The following MBNL2 variants were observed in gnomAD, a reference collection of about 807,000 sequenced individuals.
The protein encoded by MBNL2 is muscleblind like splicing regulator 2.
In MBNL2, 17 loss-of-function variants were observed where a neutral mutation model predicts 41.9. The observed-to-expected ratio is 0.41, with a 90% CI of 0.28 to 0.61. The LOEUF (loss-of-function observed/expected upper bound fraction) is 0.61, where lower values mean the gene tolerates loss of function less well. Ranked by LOEUF, MBNL2 falls within the 20% of genes least tolerant of loss-of-function variation. The probability of loss-of-function intolerance (pLI) is 0.35; values close to 1 mark genes in which losing one functional copy is unlikely to be tolerated. For synonymous variants in MBNL2, 195 were observed against 182.9 expected (o/e 1.07, Z -0.53); for missense variants, 336 against 505.6 (o/e 0.66, Z 3.22).
intron 2 of MBNL2, among the ~76,000 whole-genome samples, chr13:97,321,757 C>A (rs1365581458): frequency 6.6e-6 from 1 of 152,154 alleles, no homozygotes; most frequent in Non-Finnish European, 1.5e-5. Context: ...GAAGTTCCAT[C>A]GTGAGTTTCT....
chr13:97,235,643 A>G (rs1459133672), intron 1 of MBNL2, among the ~76,000 whole-genome samples: 1 of 152,198 alleles, frequency 6.6e-6, no homozygotes, highest in East Asian at 1.9e-4. Flanking sequence ...GAAGAAAAAC[A>G]TGCCGGCGCA....
the MBNL2 span, among the ~76,000 whole-genome samples, chr13:97,184,002 G>A: frequency 2.6e-5 from 4 of 152,274 alleles, no homozygotes; most frequent in South Asian, 2.1e-4. Flanking sequence ...TTTTTAAATG[G>A]AGCTAGAGAC....
At chr13:97,277,441 G>T (rs1566384901) in intron 2 of MBNL2, among the ~76,000 whole-genome samples, 1 of 152,164 alleles carries the variant, frequency 6.6e-6, no homozygotes, top group South Asian at 2.1e-4. Flanking sequence ...CATATGACTT[G>T]AGAAATTATA....
chr13:97,208,535 G>A, the MBNL2 span, among the ~76,000 whole-genome samples: 7 of 152,248 alleles, frequency 4.6e-5, no homozygotes, highest in East Asian at 1.9e-4. Flanking sequence ...TCAATCTCCC[G>A]GGGTGTAGAA....
At chr13:97,354,105 A>G (rs2062766760) in intron 5 of MBNL2, among the ~76,000 whole-genome samples, 1 of 151,846 alleles carries the variant, frequency 6.6e-6, no homozygotes, top group South Asian at 2.1e-4. Flanking sequence ...ATGCACACCA[A>G]GCTGGAGAGG....
At chr13:97,210,839 C>T in the MBNL2 span, among the ~76,000 whole-genome samples, 2 of 151,984 alleles carry the variant, frequency 1.3e-5, no homozygotes, top group African/African-American at 2.4e-5. Context: ...ATGTTATTTG[C>T]TGTGAGACCA....
In MBNL2 at chr13:97,343,168, C is replaced by T. The variant is rs1356959294; in HGVS notation, c.492C>T (p.Val164=). ...VIVPGSPPVT[V]PGSTATQKLL... is the part of the protein sequence containing the mutation. ...TTCCCGGAAGTCCACCGGTCACTGT[C>T]CCGGGCTCAACTGCAACTCAGAAAC... Residue 164 remains valine, a synonymous_variant, in exon 4 of 9, where the codon GTC becomes GTT. Coordinates refer to ENST00000679496, the MANE Select transcript of MBNL2 (RefSeq NM_001382683.1). 6.2e-7 allele frequency: 1 copy of T among 1,613,600 alleles called. No individual in the cohort carries two copies. The highest frequency in any genetic ancestry group is 1.3e-5 in the African/African-American group (1 of 74,902).
the MBNL2 span, among the ~76,000 whole-genome samples, chr13:97,162,169 C>T: frequency 1.3e-5 from 2 of 152,080 alleles, no homozygotes; most frequent in Non-Finnish European, 2.9e-5. Context: ...AGAATAGCAC[C>T]AAGGGAGAAA....
the MBNL2 span, among the ~76,000 whole-genome samples, chr13:97,162,943 T>A: frequency 6.6e-6 from 1 of 152,148 alleles, no homozygotes; most frequent in East Asian, 1.9e-4. Flanking sequence ...GAGAATCTTG[T>A]TTCCTAGGAA....
the MBNL2 span, among the ~76,000 whole-genome samples, chr13:97,188,789 T>C: frequency 9.9e-5 from 15 of 152,254 alleles, no homozygotes; most frequent in Admixed American, 9.2e-4. Flanking sequence ...CTGATTCCTA[T>C]CAATCTGTCT....
In MBNL2 at chr13:97,308,221, G is replaced by A. The variant is rs545668803; in HGVS notation, c.175-26055G>A. Among the ~76,000 whole-genome samples, 14 of 152,290 alleles carry A rather than the reference G, an allele frequency of 9.2e-5. No homozygotes were observed. The South Asian group carries it at 2.5e-3, about 27-fold the overall frequency. ...TGACCTGCTCATTCAAAACTGTTGC[G>A]AGGGCTTTACCTTTATATCACCACA... On this transcript the variant is annotated intron_variant, in intron 2 of 8. Transcript: ENST00000679496.
chr13:97,211,731 C>G, the MBNL2 span, among the ~76,000 whole-genome samples: 1 of 152,186 alleles, frequency 6.6e-6, no homozygotes, highest in African/African-American at 2.4e-5. Flanking sequence ...GACATGATCC[C>G]TTTTCTGTAG....
rs2066463699 is a variant in MBNL2, at chr13:97,394,047, C to G, written c.*2598C>G. 4 of 152,538 alleles carry G rather than the reference C, an allele frequency of 2.6e-5. No individual in the cohort carries two copies. Among genetic ancestry groups the G allele is most frequent in the Non-Finnish European group, 1.5e-5 (1 of 68,000 alleles). The allele number at this position is 152,538 out of a possible 1,614,324, so 9.4% of individuals were successfully genotyped here. On this transcript the variant is annotated 3_prime_UTR_variant, in exon 9 of 9. Coordinates refer to ENST00000679496, the MANE Select transcript of MBNL2 (RefSeq NM_001382683.1). ...AACAGGAGTCTAATTTGTATCAATACTATGTTTTGGTTGTAATATTCAGTT... is the reference window on the plus strand; with the variant it reads ...AACAGGAGTCTAATTTGTATCAATAGTATGTTTTGGTTGTAATATTCAGTT...
intron 1 of MBNL2, among the ~76,000 whole-genome samples, chr13:97,251,834 CTTTTTTTTTTTT>C (rs869034692): frequency 2.9e-5 from 2 of 69,578 alleles, no homozygotes; most frequent in Non-Finnish European, 5.2e-5. Flanking sequence ...ATCCTCAATT[CTTTTTTTTTTTT>C]TTTTTTTTTT....
intron 2 of MBNL2, among the ~76,000 whole-genome samples, chr13:97,333,168 T>C (rs1229894736): frequency 6.6e-6 from 1 of 152,192 alleles, no homozygotes; most frequent in Non-Finnish European, 1.5e-5. Context: ...ATCAATACTC[T>C]CTTTTCTTGG....
chr13:97,378,263 C>T (rs1428677165), intron 8 of MBNL2, among the ~76,000 whole-genome samples: 1 of 147,112 alleles, frequency 6.8e-6, no homozygotes, highest in Non-Finnish European at 1.5e-5. Context: ...ATTATCTGAT[C>T]CTCACACCAA....
At chr13:97,155,400 T>A in the MBNL2 span, among the ~76,000 whole-genome samples, 205 of 151,682 alleles carry the variant, frequency 1.4e-3, 1 homozygote, top group Admixed American at 2.2e-3. Context: ...TTTTATTTTT[T>A]TTTTTATTAT....
intron 1 of MBNL2, among the ~76,000 whole-genome samples, chr13:97,270,983 G>T (rs986454914): frequency 1.3e-5 from 2 of 152,096 alleles, no homozygotes; most frequent in South Asian, 4.1e-4. Flanking sequence ...AGAAAGAGTG[G>T]ATTCATGAGA....
At chr13:97,200,035 C>G in the MBNL2 span, among the ~76,000 whole-genome samples, 4 of 152,192 alleles carry the variant, frequency 2.6e-5, no homozygotes, top group Non-Finnish European at 5.9e-5. Flanking sequence ...AGAGCAAGAG[C>G]AAATAGGAGT....
Sources: gnomAD v4.1 joint callset for allele counts (sites outside exome capture counted in the v4.1 genomes callset) on GRCh38, gnomAD v4.1.1 for gene constraint, MANE v1.5 for transcripts, NCBI Gene and HGNC (gene_info 2026-07-23, HGNC 2026-07-21) for gene names.